Variants in NEK5 observed in about 807,000 individuals in gnomAD.
NEK5 encodes NIMA related kinase 5.
NEK5 carries 88 observed loss-of-function variants against 109.2 expected under a neutral mutation model. The observed-to-expected ratio is 0.81, with a 90% CI of 0.68 to 0.96. NEK5 has a LOEUF of 0.96. NEK5 is among the 40% of genes least tolerant of loss of function. The pLI, the probability that NEK5 is intolerant of heterozygous loss-of-function variation, is 0.00. For missense variants in NEK5, 834 were observed against 920.7 expected (o/e 0.91, Z 1.22); for synonymous variants, 283 against 299.9 (o/e 0.94, Z 0.58).
At chr13:52,049,429 A>G (rs968047269) in intron 23 of NEK5, among the ~76,000 whole-genome samples, 4 of 151,892 alleles carry the variant, frequency 2.6e-5, no homozygotes, top group Non-Finnish European at 5.9e-5. Context: ...GTCTCAAATA[A>G]TAATAATAAT....
At chr13:52,083,016 G>A (rs138327889) in intron 17 of NEK5, among the ~76,000 whole-genome samples, 50 of 152,210 alleles carry the variant, frequency 3.3e-4, no homozygotes, top group African/African-American at 1.2e-3. Flanking sequence ...GCATGGTGGC[G>A]CATGCCTGTA....
At chr13:52,071,853 T>G in intron 20 of NEK5, 91 bp downstream of exon 20, 1 of 1,125,758 alleles carries the variant, frequency 8.9e-7, no homozygotes, top group Non-Finnish European at 1.3e-6. Context: ...CAAGTAACAG[T>G]GGAGCCGAGG....
At chr13:52,047,071 T>G (rs1293900500) in intron 23 of NEK5, among the ~76,000 whole-genome samples, 1 of 151,210 alleles carries the variant, frequency 6.6e-6, no homozygotes, top group Non-Finnish European at 1.5e-5. Flanking sequence ...CTATCAATTA[T>G]GCAATAATCC....
chr13:52,056,867 C>T (rs1223968188), intron 22 of NEK5, among the ~76,000 whole-genome samples: 1 of 151,714 alleles, frequency 6.6e-6, no homozygotes, highest in Non-Finnish European at 1.5e-5. Flanking sequence ...AATTGACACC[C>T]TAACATCATA....
intron 13 of NEK5, among the ~76,000 whole-genome samples, chr13:52,091,552 A>G (rs1955284014): frequency 6.6e-6 from 1 of 152,248 alleles, no homozygotes; most frequent in East Asian, 1.9e-4. Context: ...TTTCACTATT[A>G]ATGAGATTGC....
chr13:52,065,202 TC>T, intron 21 of NEK5: 1 of 508,106 alleles, frequency 2.0e-6, no homozygotes, highest in African/African-American at 1.9e-5. Flanking sequence ...GTAAATCAAG[TC>T]AGCTGTCCTT....
At chr13:52,098,261 C>CAAACAAACAAACAAAT (rs1555314089) in intron 12 of NEK5, among the ~76,000 whole-genome samples, 13 of 146,918 alleles carry the variant, frequency 8.8e-5, no homozygotes, top group African/African-American at 3.0e-4. Context: ...GACCCTCTTT[C>CAAACAAACAAACAAAT]AAATAAATAA....
chr13:52,065,173 G>T, intron 21 of NEK5: 1 of 430,358 alleles, frequency 2.3e-6, no homozygotes, highest in Non-Finnish European at 4.2e-6. Context: ...AAAAAAAGTT[G>T]TTGAGCTGGC....
chr13:52,099,698 T>C (rs1278486308), intron 12 of NEK5, 45 bp downstream of exon 12: 3 of 1,596,432 alleles, frequency 1.9e-6, no homozygotes, highest in Admixed American at 1.7e-5. Context: ...ACAAAAAGCA[T>C]ATACCATAGC....
At chr13:52,101,832 A>G in intron 11 of NEK5, 101 bp downstream of exon 11, 1 of 976,726 alleles carries the variant, frequency 1.0e-6, no homozygotes, top group Non-Finnish European at 1.6e-6. Context: ...TATTTTTTAA[A>G]ATGTCCACTT....
At chr13:52,068,643 T>G (rs564101394) in intron 20 of NEK5, among the ~76,000 whole-genome samples, 2 of 152,120 alleles carry the variant, frequency 1.3e-5, no homozygotes, top group Non-Finnish European at 2.9e-5. Context: ...GAAAAAAGGA[T>G]GAAGGGCATG....
intron 8 of NEK5, among the ~76,000 whole-genome samples, 158 bp from the exon 9 acceptor site, chr13:52,104,710 A>C (rs947346434): frequency 6.6e-6 from 1 of 152,250 alleles, no homozygotes; most frequent in African/African-American, 2.4e-5. Flanking sequence ...TCTTATTAGA[A>C]GATAAGAGGT....
chr13:52,078,398 A>G (rs1954906155), intron 17 of NEK5, among the ~76,000 whole-genome samples: 1 of 152,176 alleles, frequency 6.6e-6, no homozygotes, highest in African/African-American at 2.4e-5. Flanking sequence ...TTGCATGGGG[A>G]TGAGATGGGA....
chr13:52,124,247 C>G (rs956786317), intron 3 of NEK5, among the ~76,000 whole-genome samples: 3 of 152,162 alleles, frequency 2.0e-5, no homozygotes, highest in Non-Finnish European at 2.9e-5. Flanking sequence ...GATGATGTCA[C>G]TGCACTCCTG....
chr13:52,086,997 A>G (rs1955157704), intron 15 of NEK5, among the ~76,000 whole-genome samples: 1 of 152,118 alleles, frequency 6.6e-6, no homozygotes, highest in African/African-American at 2.4e-5. Flanking sequence ...TTGATTTTCT[A>G]TTTCCACTCT....
At chr13:52,112,104 T>C (rs9535866) in intron 5 of NEK5, among the ~76,000 whole-genome samples, 164 bp downstream of exon 5, 63,079 of 152,008 alleles carry the variant, frequency 0.41, 15,021 homozygotes, top group Non-Finnish European at 0.54. Context: ...AAACTTGTTC[T>C]GGACTGAATC....
At chr13:52,046,016 A>G (rs1954455780) in intron 23 of NEK5, among the ~76,000 whole-genome samples, 1 of 149,430 alleles carries the variant, frequency 6.7e-6, no homozygotes, top group South Asian at 2.1e-4. Flanking sequence ...GGTTGCAGTG[A>G]GCCAAGATCA....
chr13:52,123,220 G>C (rs550949806), intron 3 of NEK5, among the ~76,000 whole-genome samples: 2 of 152,268 alleles, frequency 1.3e-5, no homozygotes, highest in Admixed American at 1.3e-4. Context: ...TGTTAATATT[G>C]TGACACAGAT....
chr13:52,075,010 T>C (rs1008072385), intron 19 of NEK5, among the ~76,000 whole-genome samples: 5 of 152,206 alleles, frequency 3.3e-5, no homozygotes, highest in Non-Finnish European at 7.4e-5. Flanking sequence ...GGAATGCTTA[T>C]GTAGTGTTGG....
Sources: allele counts gnomAD v4.1 joint callset (sites outside exome capture counted in the v4.1 genomes callset), GRCh38; gene constraint gnomAD v4.1.1; transcripts MANE v1.5; gene names NCBI Gene and HGNC (gene_info 2026-07-23, HGNC 2026-07-21).